The following LCK variants were observed in gnomAD, a reference collection of about 807,000 sequenced individuals.
LCK encodes the protein tyrosine-protein kinase Lck.
In LCK, 14 loss-of-function variants were observed where a neutral mutation model predicts 64.6. The ratio of observed to expected loss-of-function variants is 0.22; its 90% CI spans 0.14 to 0.34. The LOEUF (loss-of-function observed/expected upper bound fraction) is 0.34, where lower values mean the gene tolerates loss of function less well. Ranked by LOEUF, LCK falls within the 10% of genes least tolerant of loss-of-function variation. The pLI is 1.00. For synonymous variants in LCK, 277 were observed against 263.6 expected (o/e 1.05, Z -0.49); for missense variants, 434 against 668.1 (o/e 0.65, Z 3.86).
At chr1:32,253,432 C>T (rs1207206781) in intron 1 of LCK, among the ~76,000 whole-genome samples, 3 of 152,184 alleles carry the variant, frequency 2.0e-5, no homozygotes, top group South Asian at 2.1e-4. Flanking sequence ...TTAACAGGCG[C>T]GCCACCATGC....
chr1:32,264,597 G>A (rs1247460870), intron 1 of LCK, among the ~76,000 whole-genome samples: 1 of 152,062 alleles, frequency 6.6e-6, no homozygotes. Context: ...GTTTTAAAAT[G>A]AGGCTGATGA....
chr1:32,276,258 G>T lies in LCK; in HGVS notation c.632-79G>T. 1 of 1,504,214 alleles carries T rather than the reference G, an allele frequency of 6.6e-7. No homozygotes were observed. Among genetic ancestry groups the T allele is most frequent in the Non-Finnish European group, 8.9e-7 (1 of 1,128,352 alleles). The allele number at this position is 1,504,214 out of a possible 1,614,324, so 93.2% of individuals were successfully genotyped here. A position where few individuals can be genotyped will look rare whatever the true frequency, so the allele number is the denominator to read the frequency against. On this transcript the variant is annotated intron_variant, in intron 7 of 12. Transcript: ENST00000336890. The surrounding 1 kb of genome is among the most constrained non-coding windows in gnomAD (Gnocchi z 4.6). ...TGCTAGTCCACTTCACCTAGATGGG[G>T]GCTTGGAGAAGTGGGGGAGGTGGTG...
chr1:32,272,269 G>C (rs1557581021), intron 1 of LCK, among the ~76,000 whole-genome samples: 1 of 151,754 alleles, frequency 6.6e-6, no homozygotes, highest in Non-Finnish European at 1.5e-5. Flanking sequence ...CTTGAAGGTT[G>C]AGTTAGAATT....
rs751406263 is a variant in LCK at position 32,275,990 on chromosome 1, G to C, written c.558G>C (p.Leu186=). The change falls in exon 7 of 13, where the codon CTG becomes CTC. Residue 186 remains leucine, a synonymous_variant. Transcript: ENST00000336890. This position sits in a 1 kb window ranked among gnomAD's most constrained non-coding sequence, Gnocchi z 6.9. ...EVVKHYKIRN[L]DNGGFYISPR... is the part of the protein sequence containing the mutation. Reference sequence around the variant, plus strand: ...TGAAACATTACAAGATCCGTAATCTGGACAACGGTGGCTTCTACATCTCCC... The same window carrying C: ...TGAAACATTACAAGATCCGTAATCTCGACAACGGTGGCTTCTACATCTCCC... 1.2e-6 allele frequency: 2 copies of C among 1,614,144 alleles called. No individual in the cohort carries two copies. Among genetic ancestry groups the C allele is most frequent in the Non-Finnish European group, 1.7e-6 (2 of 1,179,994 alleles).
intron 1 of LCK, among the ~76,000 whole-genome samples, chr1:32,267,666 C>A (rs938280981): frequency 6.6e-6 from 1 of 151,488 alleles, no homozygotes. Context: ...GAGGCCGAGG[C>A]GGGCAGATCA....
intron 1 of LCK, among the ~76,000 whole-genome samples, chr1:32,260,105 G>A (rs562234030): frequency 6.6e-5 from 10 of 151,544 alleles, no homozygotes; most frequent in Admixed American, 2.0e-4. Context: ...GTGCAGTCCC[G>A]GGTTTAAGCA....
intron 1 of LCK, among the ~76,000 whole-genome samples, chr1:32,271,819 C>A (rs149923749): frequency 4.9e-4 from 74 of 152,302 alleles, no homozygotes; most frequent in African/African-American, 1.7e-3. Flanking sequence ...TAAACTACAG[C>A]TTCTGCTCTT....
chr1:32,275,305 C>G lies in LCK; in HGVS notation c.279-16C>G, dbSNP rs554553133. On this transcript the variant is annotated splice_polypyrimidine_tract_variant and intron_variant, in intron 4 of 12. Coordinates refer to ENST00000336890, the MANE Select transcript of LCK (RefSeq NM_005356.5). This position sits in a 1 kb window ranked among gnomAD's most constrained non-coding sequence, Gnocchi z 6.9. ...GACGGCTGAGCGAGCCACACTGACC[C>G]ACCTCCGTGGCGCAGGAGCGGCGAG... 2.5e-6 allele frequency: 4 copies of G among 1,613,504 alleles called. No homozygotes were observed. In the South Asian group the frequency reaches 3.3e-5, roughly 13 times the overall value.
In LCK at chr1:32,251,894, A is replaced by AAGAG. The variant is rs4012161; in HGVS notation, c.-6+563_-6+566dup. 8.4e-3 allele frequency among the ~76,000 whole-genome samples: 1,110 copies of AAGAG among 132,240 alleles called. 10 individuals are homozygous for AAGAG. Among genetic ancestry groups the AAGAG allele is most frequent in the Admixed American group, 0.011 (151 of 13,164 alleles). The allele number at this position is 132,240 out of a possible 152,430, so 86.8% of individuals were successfully genotyped here. ...CCCCAGTGACAAGAATCTCCTGAGAAAGAGAGAGAGAGAGAGAGAGAGAGA... is the reference window on the plus strand; with the variant it reads ...CCCCAGTGACAAGAATCTCCTGAGAAAGAGAGAGAGAGAGAGAGAGAGAGAGAGA... On this transcript the variant is annotated intron_variant, in intron 1 of 12. Coordinates refer to ENST00000336890, the MANE Select transcript of LCK (RefSeq NM_005356.5). This position sits in a 1 kb window ranked among gnomAD's most constrained non-coding sequence, Gnocchi z 4.0.
intron 1 of LCK, among the ~76,000 whole-genome samples, chr1:32,263,650 G>T (rs934597640): frequency 6.6e-6 from 1 of 151,652 alleles, no homozygotes; most frequent in African/African-American, 2.4e-5. Flanking sequence ...AAGGTGGCAG[G>T]TTAGTAATCC....
chr1:32,269,289 T>G (rs138447007), intron 1 of LCK: 159 of 151,618 alleles, frequency 1.0e-3, no homozygotes, highest in African/African-American at 3.6e-3. Flanking sequence ...ATTACAAAAA[T>G]TAGCTGGGCG....
intron 1 of LCK, among the ~76,000 whole-genome samples, chr1:32,272,151 G>GTGCA (rs1017349822): frequency 1.3e-5 from 2 of 151,772 alleles, no homozygotes; most frequent in African/African-American, 4.8e-5. Flanking sequence ...AAGCGTGATG[G>GTGCA]TGCATGCCTG....
chr1:32,279,041 G>A (rs1001724458), intron 9 of LCK, among the ~76,000 whole-genome samples: 3 of 152,088 alleles, frequency 2.0e-5, no homozygotes, highest in African/African-American at 2.4e-5. Flanking sequence ...ACTCTCGGCT[G>A]GGCACCAGGA....
intron 1 of LCK, among the ~76,000 whole-genome samples, chr1:32,260,642 A>C (rs1639744154): frequency 6.6e-6 from 1 of 152,042 alleles, no homozygotes; most frequent in African/African-American, 2.4e-5. Flanking sequence ...GTTTTGTTTG[A>C]GAGAGGTTCT....
chr1:32,286,061 T>G lies in LCK; in HGVS notation c.*345T>G. On this transcript the variant is annotated 3_prime_UTR_variant, in exon 13 of 13. Coordinates refer to ENST00000336890, the MANE Select transcript of LCK (RefSeq NM_005356.5). ...TTTCTTTCCTCAGATCATCCAGAAG[T>G]TCCTCAAGGGCCAGGACTTTATCTA... The G allele has an allele frequency of 5.2e-6, 2 of 386,832 alleles. No homozygotes were observed. Among genetic ancestry groups the G allele is most frequent in the Non-Finnish European group, 4.8e-6 (1 of 207,652 alleles). The allele number at this position is 386,832 out of a possible 1,614,324, so 24.0% of individuals were successfully genotyped here.
intron 12 of LCK, among the ~76,000 whole-genome samples, chr1:32,282,180 C>T (rs1640481596): frequency 1.3e-5 from 2 of 152,244 alleles, no homozygotes; most frequent in African/African-American, 4.8e-5. Flanking sequence ...GCTGGAAATA[C>T]AGAAATATTC....
intron 1 of LCK, among the ~76,000 whole-genome samples, chr1:32,268,994 C>T (rs1317161352): frequency 1.3e-5 from 2 of 150,490 alleles, no homozygotes; most frequent in East Asian, 2.0e-4. Flanking sequence ...ATTAGCCAGG[C>T]GTGGTGGTGC....
chr1:32,285,450 C>A, intron 12 of LCK, 64 bp from the exon 13 acceptor site: 3 of 1,436,730 alleles, frequency 2.1e-6, no homozygotes, highest in South Asian at 1.1e-5. Flanking sequence ...ATATTCCGAA[C>A]ATTACCCTTG....
At chr1:32,265,182 CAAA>C (rs557764597) in intron 1 of LCK, among the ~76,000 whole-genome samples, 1 of 95,648 alleles carries the variant, frequency 1.0e-5, no homozygotes. Context: ...GACTTTGTCT[CAAA>C]AAAAAAAAAA....
Sources: gnomAD v4.1 joint callset for allele counts (sites outside exome capture counted in the v4.1 genomes callset) on GRCh38, gnomAD v4.1.1 for gene constraint, Gnocchi (gnomAD v3.1) non-coding constraint, MANE v1.5 for transcripts, NCBI Gene and HGNC (gene_info 2026-07-23, HGNC 2026-07-21) for gene names.